KLHL1: variants seen among roughly 807,000 people sequenced by gnomAD.
The protein encoded by KLHL1 is kelch-like protein 1.
A neutral mutation model predicts 77.7 loss-of-function variants in KLHL1; 47 were observed. The observed-to-expected ratio is 0.60, with a 90% CI of 0.48 to 0.77. KLHL1 has a LOEUF of 0.77. Ranked by LOEUF, KLHL1 falls within the 30% of genes least tolerant of loss-of-function variation. The pLI is 0.00. For missense variants in KLHL1, 925 were observed against 910.8 expected, an observed-to-expected ratio of 1.02 and a Z score of -0.20; for synonymous variants, 360 against 325.2, an observed-to-expected ratio of 1.11 and a Z score of -1.15.
intron 7 of KLHL1, among the ~76,000 whole-genome samples, chr13:69,756,082 C>T (rs771992229): frequency 5.9e-5 from 9 of 152,168 alleles, no homozygotes; most frequent in African/African-American, 9.6e-5. Flanking sequence ...ATTTCCATCC[C>T]TTCACTTCAA....
chr13:69,732,018 C>T (rs1374065694), intron 8 of KLHL1, among the ~76,000 whole-genome samples: 1 of 151,826 alleles, frequency 6.6e-6, no homozygotes, highest in East Asian at 1.9e-4. Flanking sequence ...TTGACAGATA[C>T]AAGATAACAC....
At chr13:69,719,162 A>T (rs961595288) in intron 9 of KLHL1, among the ~76,000 whole-genome samples, 2 of 151,664 alleles carry the variant, frequency 1.3e-5, no homozygotes, top group African/African-American at 4.9e-5. Context: ...GAATAAAAGA[A>T]TAAGAAAATA....
chr13:70,012,145 G>A (rs1038430953), intron 1 of KLHL1, among the ~76,000 whole-genome samples: 1 of 152,050 alleles, frequency 6.6e-6, no homozygotes. Context: ...TTAAAGATGA[G>A]ATTTGGGTGG....
intron 7 of KLHL1, among the ~76,000 whole-genome samples, chr13:69,784,594 T>C (rs1876411508): frequency 1.3e-5 from 2 of 151,264 alleles, no homozygotes; most frequent in African/African-American, 2.4e-5. Context: ...AAGAAGGCCA[T>C]TACATAATGA....
rs562428208 is a variant in KLHL1 at position 70,038,521 on chromosome 13, A to C, written c.498-62719T>G. 1.7e-3 allele frequency among the ~76,000 whole-genome samples: 251 copies of C among 152,086 alleles called. 2 individuals are homozygous for C. Among genetic ancestry groups the C allele is most frequent in the African/African-American group, 5.9e-3 (245 of 41,504 alleles). Reference sequence around the variant, plus strand: ...TGGTTGTGCTATTTTACATGTCCAAAAACAATGTAAAAGAGATTTGTTTTT... The same window carrying C: ...TGGTTGTGCTATTTTACATGTCCAACAACAATGTAAAAGAGATTTGTTTTT... On this transcript the variant is annotated intron_variant, in intron 1 of 10. Transcript: ENST00000377844.
At chr13:69,703,285 G>A (rs1466412973) in intron 10 of KLHL1, among the ~76,000 whole-genome samples, 1 of 151,610 alleles carries the variant, frequency 6.6e-6, no homozygotes, top group African/African-American at 2.4e-5. Context: ...GGTGAAACTG[G>A]TGTAAACAAA....
At chr13:69,978,144 G>A (rs1470661279) in intron 1 of KLHL1, among the ~76,000 whole-genome samples, 1 of 152,082 alleles carries the variant, frequency 6.6e-6, no homozygotes, top group East Asian at 1.9e-4. Flanking sequence ...AGCAAGAACA[G>A]CAGAATTCTT....
chr13:69,833,221 A>G (rs1039524267), intron 6 of KLHL1, among the ~76,000 whole-genome samples: 6 of 152,190 alleles, frequency 3.9e-5, no homozygotes, highest in African/African-American at 1.4e-4. Context: ...ATAAAGGACA[A>G]ATGTCCAGAA....
intron 3 of KLHL1, among the ~76,000 whole-genome samples, chr13:69,948,351 T>G (rs1883596747): frequency 6.6e-6 from 1 of 152,220 alleles, no homozygotes; most frequent in African/African-American, 2.4e-5. Context: ...CCAGAAATTT[T>G]TCTCCATGCT....
At chr13:69,854,255 T>G (rs1399789067) in intron 5 of KLHL1, among the ~76,000 whole-genome samples, 1 of 152,014 alleles carries the variant, frequency 6.6e-6, no homozygotes, top group Non-Finnish European at 1.5e-5. Context: ...CAACATCTGC[T>G]TATGTTGAGG....
At position 69,827,883 on chromosome 13, in the gene KLHL1, T is replaced by C. The variant is rs997373109; in HGVS notation, c.1414+11093A>G. Among the ~76,000 whole-genome samples the C allele has an allele frequency of 4.6e-5, 7 of 150,762 alleles. 1 individual carries two copies. Among genetic ancestry groups the C allele is most frequent in the Non-Finnish European group, 8.8e-5 (6 of 67,890 alleles). ...TACTAAATGGTAGAAACTAAAAAAG[T>C]TTCTTAATCTCTTCAAATTCAAAAT... On this transcript the variant is annotated intron_variant, in intron 6 of 10. Coordinates refer to ENST00000377844, the MANE Select transcript of KLHL1 (RefSeq NM_020866.3).
intron 5 of KLHL1, among the ~76,000 whole-genome samples, chr13:69,868,009 C>G (rs1488726311): frequency 6.9e-6 from 1 of 144,712 alleles, no homozygotes; most frequent in Non-Finnish European, 1.5e-5. Flanking sequence ...TAATAAAAAA[C>G]AAAAAACAAA....
chr13:69,837,304 A>AAT (rs1162666512), intron 6 of KLHL1, among the ~76,000 whole-genome samples: 2 of 151,664 alleles, frequency 1.3e-5, no homozygotes, highest in South Asian at 2.1e-4. Context: ...AATCCCAGCA[A>AAT]AGTGTTTAAT....
At chr13:69,731,376 G>A (rs1379174081) in intron 8 of KLHL1, among the ~76,000 whole-genome samples, 1 of 152,128 alleles carries the variant, frequency 6.6e-6, no homozygotes, top group Non-Finnish European at 1.5e-5. Context: ...AGAAGTCTCA[G>A]TATTCCTCAG....
At chr13:69,764,160 G>T (rs770876905) in intron 7 of KLHL1, among the ~76,000 whole-genome samples, 1 of 152,162 alleles carries the variant, frequency 6.6e-6, no homozygotes, top group Non-Finnish European at 1.5e-5. Context: ...TTGCCCTAAA[G>T]ATTTCTTTAT....
In KLHL1 at chr13:69,844,964, A is replaced by G. The variant is rs150523194; in HGVS notation, c.1228-5802T>C. 5.6e-3 allele frequency among the ~76,000 whole-genome samples: 846 copies of G among 151,788 alleles called. 10 individuals are homozygous for G. Among genetic ancestry groups the G allele is most frequent in the African/African-American group, 0.019 (782 of 41,500 alleles). ...AAAAAATAAGTATTCGATCCAGGAA[A>G]TATTTGCTCCCGCAGGATGAGACAT... On this transcript the variant is annotated intron_variant, in intron 5 of 10. Coordinates refer to ENST00000377844, the MANE Select transcript of KLHL1 (RefSeq NM_020866.3).
At chr13:69,809,635 A>G (rs1260443924) in intron 6 of KLHL1, among the ~76,000 whole-genome samples, 1 of 152,130 alleles carries the variant, frequency 6.6e-6, no homozygotes. Context: ...AAGCAACTAC[A>G]CAACTGAGAC....
intron 6 of KLHL1, among the ~76,000 whole-genome samples, chr13:69,821,639 C>A (rs945673128): frequency 6.6e-6 from 1 of 151,980 alleles, no homozygotes; most frequent in Admixed American, 6.6e-5. Context: ...TTAAAGAGCT[C>A]TTCATTTTTA....
intron 1 of KLHL1, among the ~76,000 whole-genome samples, chr13:70,073,383 G>A (rs1171782427): frequency 1.3e-5 from 2 of 152,024 alleles, no homozygotes; most frequent in South Asian, 2.1e-4. Flanking sequence ...ACAGGAAGGG[G>A]AACATCACAC....
Sources: allele counts gnomAD v4.1 joint callset (sites outside exome capture counted in the v4.1 genomes callset), GRCh38; gene constraint gnomAD v4.1.1; transcripts MANE v1.5; gene names NCBI Gene and HGNC (gene_info 2026-07-23, HGNC 2026-07-21).